Variants in BABAM2 observed in about 807,000 individuals in gnomAD.
The protein encoded by BABAM2 is BRISC and BRCA1-A complex member 2.
BABAM2 carries 31 observed loss-of-function variants against 54.7 expected under a neutral mutation model. That is an observed-to-expected ratio of 0.57 (90% CI 0.43 to 0.77). The LOEUF is 0.77. Ranked by LOEUF, BABAM2 falls within the 30% of genes least tolerant of loss-of-function variation. BABAM2 has a pLI of 0.00. For synonymous variants in BABAM2, 167 were observed against 162.9 expected, an observed-to-expected ratio of 1.03 and a Z score of -0.19; for missense variants, 364 against 455.8, an observed-to-expected ratio of 0.80 and a Z score of 1.83.
chr2:28,060,523 T>C (rs1472264802), intron 6 of BABAM2, among the ~76,000 whole-genome samples: 1 of 152,128 alleles, frequency 6.6e-6, no homozygotes, highest in African/African-American at 2.4e-5. Flanking sequence ...AGGAATAACA[T>C]TTAGAGTAGA....
At chr2:28,185,166 C>G (rs1292429655) in intron 7 of BABAM2, among the ~76,000 whole-genome samples, 1 of 152,076 alleles carries the variant, frequency 6.6e-6, no homozygotes. Context: ...AAAGACCCAC[C>G]CAATTTAAAG....
At chr2:28,199,679 T>A (rs1414434063) in intron 7 of BABAM2, among the ~76,000 whole-genome samples, 1 of 152,076 alleles carries the variant, frequency 6.6e-6, no homozygotes, top group African/African-American at 2.4e-5. Flanking sequence ...GTAAGGCAAG[T>A]GAGGAACAGA....
At chr2:28,089,747 T>C (rs1417769002) in intron 6 of BABAM2, among the ~76,000 whole-genome samples, 1 of 152,212 alleles carries the variant, frequency 6.6e-6, no homozygotes, top group Non-Finnish European at 1.5e-5. Flanking sequence ...ACTAGTTACA[T>C]AATGGCAGAA....
At chr2:28,201,077 A>G (rs10201671) in intron 7 of BABAM2, among the ~76,000 whole-genome samples, 147,834 of 152,280 alleles carry the variant, frequency 0.97, 71,922 homozygotes, top group Middle Eastern at 1. Context: ...GGCCTCTGTG[A>G]GTTTTTTAAT....
intron 11 of BABAM2, among the ~76,000 whole-genome samples, chr2:28,302,813 A>G (rs1236630591): frequency 3.3e-5 from 5 of 152,134 alleles, no homozygotes; most frequent in Non-Finnish European, 7.4e-5. Flanking sequence ...TTTAATTTAC[A>G]TTTCCTGGTG....
At chr2:28,002,055 AC>A in intron 4 of BABAM2, among the ~76,000 whole-genome samples, 1 of 85,752 alleles carries the variant, frequency 1.2e-5, no homozygotes. Flanking sequence ...ATACAATCAA[AC>A]AGGTAAAAAA....
At chr2:27,987,726 A>T (rs575975812) in intron 3 of BABAM2, among the ~76,000 whole-genome samples, 1 of 151,484 alleles carries the variant, frequency 6.6e-6, no homozygotes, top group East Asian at 1.9e-4. Flanking sequence ...GAGATGGGAG[A>T]ATTGCTTGAG....
intron 6 of BABAM2, among the ~76,000 whole-genome samples, chr2:28,066,174 T>A (rs148579485): frequency 0.19 from 28,378 of 148,540 alleles, 3,349 homozygotes; most frequent in Non-Finnish European, 0.28. Flanking sequence ...AAAAAAAAAA[T>A]AAATAAATAA....
intron 11 of BABAM2, chr2:28,308,602 A>C (rs1572389614): frequency 2.4e-6 from 1 of 419,216 alleles, no homozygotes; most frequent in African/African-American, 2.0e-5. Context: ...CAGCTAGTTG[A>C]TTCTATGTAT....
chr2:27,896,783 C>T (rs1665359134), intron 2 of BABAM2: 1 of 236,432 alleles, frequency 4.2e-6, no homozygotes. Context: ...AGCTTGTGCC[C>T]AGCTGGGTCT....
At chr2:28,096,847 A>G (rs1294217148) in intron 6 of BABAM2, among the ~76,000 whole-genome samples, 1 of 151,602 alleles carries the variant, frequency 6.6e-6, no homozygotes, top group Non-Finnish European at 1.5e-5. Flanking sequence ...TCTTTGAACT[A>G]ATTCCCCAGA....
chr2:28,110,611 G>A (rs771699895), intron 6 of BABAM2, among the ~76,000 whole-genome samples: 20 of 151,364 alleles, frequency 1.3e-4, no homozygotes, highest in South Asian at 4.2e-4. Context: ...GTGACAGAGC[G>A]AGACTCCATC....
chr2:28,205,852 G>A (rs933854826), intron 7 of BABAM2, among the ~76,000 whole-genome samples: 4 of 152,218 alleles, frequency 2.6e-5, no homozygotes, highest in Non-Finnish European at 5.9e-5. Flanking sequence ...AATTTGGCTA[G>A]TTCTAGAGGA....
chr2:27,894,121 G>T (rs1209847600), intron 1 of BABAM2, among the ~76,000 whole-genome samples: 1 of 152,160 alleles, frequency 6.6e-6, no homozygotes, highest in Non-Finnish European at 1.5e-5. Context: ...CTCCTTGTGG[G>T]GACACACAGG....
intron 4 of BABAM2, among the ~76,000 whole-genome samples, chr2:28,019,768 T>C (rs1170193825): frequency 6.6e-6 from 1 of 152,226 alleles, no homozygotes; most frequent in Non-Finnish European, 1.5e-5. Flanking sequence ...CCCCACTTTA[T>C]GTTTTTGTTG....
chr2:28,063,449 G>A (rs568470234), intron 6 of BABAM2, among the ~76,000 whole-genome samples: 9 of 152,294 alleles, frequency 5.9e-5, no homozygotes, highest in African/African-American at 2.2e-4. Context: ...ATGACTCATT[G>A]TATGATTACA....
chr2:28,180,414 T>C (rs1466704384), intron 7 of BABAM2, among the ~76,000 whole-genome samples: 1 of 151,952 alleles, frequency 6.6e-6, no homozygotes, highest in Non-Finnish European at 1.5e-5. Context: ...GATCTCCATA[T>C]GCCACGGAAC....
intron 5 of BABAM2, among the ~76,000 whole-genome samples, chr2:28,030,214 G>A (rs1431421166): frequency 6.6e-6 from 1 of 152,146 alleles, no homozygotes; most frequent in African/African-American, 2.4e-5. Flanking sequence ...TCATCTAGGT[G>A]TAGAAGTTTA....
At chr2:28,027,492 C>A (rs1675960385) in intron 5 of BABAM2, among the ~76,000 whole-genome samples, 1 of 152,190 alleles carries the variant, frequency 6.6e-6, no homozygotes, top group Non-Finnish European at 1.5e-5. Flanking sequence ...CAGCCCTAGT[C>A]AATCACTAAA....
Sources: allele counts gnomAD v4.1 joint callset (sites outside exome capture counted in the v4.1 genomes callset), GRCh38; gene constraint gnomAD v4.1.1; transcripts MANE v1.5; gene names NCBI Gene and HGNC (gene_info 2026-07-23, HGNC 2026-07-21).